The following LRP2 variants were observed in gnomAD, a reference collection of about 807,000 sequenced individuals.
LRP2 encodes the protein low-density lipoprotein receptor-related protein 2.
In LRP2, 172 loss-of-function variants were observed where a neutral mutation model predicts 531.0. The observed-to-expected ratio is 0.32, with a 90% confidence interval of 0.29 to 0.37. The LOEUF is 0.37. LRP2 is among the 10% of genes least tolerant of loss of function. The probability of loss-of-function intolerance (pLI) is 1.00; values close to 1 mark genes in which losing one functional copy is unlikely to be tolerated. For missense variants in LRP2, 5,167 were observed against 5,868.3 expected (o/e 0.88, Z 3.90); for synonymous variants, 1,992 against 2,027.6 (o/e 0.98, Z 0.47).
rs777407708 is a variant in LRP2, at chr2:169,150,987, C to T, written c.12501G>A (p.Glu4167=). The T allele has an allele frequency of 3.7e-6, 6 of 1,613,900 alleles. No homozygotes were observed. The Admixed American group carries it at 1.0e-4, about 27-fold the overall frequency. Residue 4167 remains glutamate (E), a synonymous_variant, in exon 68 of 79, where the codon GAG becomes GAA. Transcript: ENST00000649046. ...YWSDVKNKRI[E]VAKLDGRYRK... ...TGTACCTTCCATCAAGTTTAGCCACCTCAATGCGTTTATTCTTGACATCTG... is the reference window on the plus strand; with the variant it reads ...TGTACCTTCCATCAAGTTTAGCCACTTCAATGCGTTTATTCTTGACATCTG...
chr2:169,192,116 T>C (rs1406217074), intron 47 of LRP2, 83 bp from the exon 48 acceptor site: 1 of 1,033,364 alleles, frequency 9.7e-7, no homozygotes, highest in Non-Finnish European at 1.4e-6. Flanking sequence ...TTACTTACCA[T>C]TCTAAGTATG....
At chr2:169,235,438 C>T (rs1689571194) in intron 29 of LRP2, among the ~76,000 whole-genome samples, 1 of 152,002 alleles carries the variant, frequency 6.6e-6, no homozygotes, top group African/African-American at 2.4e-5. Context: ...GAGGTTTCAC[C>T]ATGTTGGCCA....
intron 7 of LRP2, 30 bp downstream of exon 7, chr2:169,292,223 T>A (rs778674133): frequency 1.2e-5 from 18 of 1,480,030 alleles, no homozygotes; most frequent in Non-Finnish European, 1.7e-5. Flanking sequence ...AAGAAAATGC[T>A]TTTCAGTAGG....
Position 169,154,666 on chromosome 2 carries a change from A to G in LRP2, c.12152-63T>C. 2.1e-6 allele frequency: 3 copies of G among 1,459,886 alleles called. No individual in the cohort carries two copies. The South Asian group carries it at 3.4e-5, about 17-fold the overall frequency. 90.4% of individuals were successfully genotyped at this position (1,459,886 alleles called of 1,614,324 possible). A position where few individuals can be genotyped will look rare whatever the true frequency, so the allele number is the denominator to read the frequency against. On this transcript the variant is annotated intron_variant, in intron 65 of 78. Transcript: ENST00000649046. ...TATACTTTCCTATATAAAGTAGGAT[A>G]TAAAATGCACAGTATGTACCTGTCC...
intron 31 of LRP2, among the ~76,000 whole-genome samples, chr2:169,229,505 C>A (rs1162836011): frequency 3.3e-5 from 5 of 152,088 alleles, no homozygotes; most frequent in South Asian, 2.1e-4. Flanking sequence ...CCCCTGAGAC[C>A]GAGTCAGAAG....
chr2:169,313,513 CTGCAGAACTGCAAATAT>C (rs1684674742), intron 3 of LRP2, among the ~76,000 whole-genome samples: 1 of 152,172 alleles, frequency 6.6e-6, no homozygotes, highest in African/African-American at 2.4e-5. Context: ...TCAGTGGAGT[CTGCAGAACTGCAAATAT>C]TGCAGAACAG....
intron 68 of LRP2, among the ~76,000 whole-genome samples, chr2:169,150,572 A>G (rs1686081846): frequency 6.6e-6 from 1 of 152,224 alleles, no homozygotes; most frequent in Non-Finnish European, 1.5e-5. Flanking sequence ...CATCCAAATG[A>G]AAGGAAAAAC....
chr2:169,295,475 T>C (rs945950668), intron 4 of LRP2, among the ~76,000 whole-genome samples: 1 of 152,230 alleles, frequency 6.6e-6, no homozygotes, highest in African/African-American at 2.4e-5. Context: ...AGGAAGTCCC[T>C]TACAGGAATA....
At chr2:169,320,196 G>T (rs943217046) in intron 2 of LRP2, among the ~76,000 whole-genome samples, 14 of 152,174 alleles carry the variant, frequency 9.2e-5, no homozygotes, top group Non-Finnish European at 1.9e-4. Flanking sequence ...AAAACTAAAT[G>T]ACAAAATGAA....
intron 56 of LRP2, 124 bp from the exon 57 acceptor site, chr2:169,173,348 C>A: frequency 8.8e-7 from 1 of 1,135,454 alleles, no homozygotes; most frequent in Non-Finnish European, 1.3e-6. Flanking sequence ...CCGCCTCTGG[C>A]GATATGTGTC....
chr2:169,259,257 T>C, intron 16 of LRP2, 40 bp from the exon 17 acceptor site: 1 of 1,517,530 alleles, frequency 6.6e-7, no homozygotes, highest in Non-Finnish European at 9.1e-7. Flanking sequence ...GCTAAGTATA[T>C]TTTGTAAGGC....
At chr2:169,233,290 T>A in intron 30 of LRP2, 121 bp downstream of exon 30, 1 of 1,116,680 alleles carries the variant, frequency 9.0e-7, no homozygotes. Context: ...GGGTGGTTTG[T>A]AAAGAGAAAA....
At chr2:169,175,540 T>C in intron 54 of LRP2, 151 bp from the exon 55 acceptor site, 1 of 712,886 alleles carries the variant, frequency 1.4e-6, no homozygotes, top group Non-Finnish European at 2.4e-6. Context: ...GTTACAATGG[T>C]GTATTTTCAG....
chr2:169,341,296 G>C (rs1321525097), intron 1 of LRP2, among the ~76,000 whole-genome samples: 1 of 151,998 alleles, frequency 6.6e-6, no homozygotes, highest in Non-Finnish European at 1.5e-5. Flanking sequence ...ACGTGAGGCA[G>C]ATTCTCTTTT....
intron 31 of LRP2, 48 bp from the exon 32 acceptor site, chr2:169,226,636 A>T: frequency 7.1e-7 from 1 of 1,411,486 alleles, no homozygotes; most frequent in Non-Finnish European, 1.0e-6. Context: ...CACTATTCCC[A>T]GACATTTAGA....
At chr2:169,170,829 C>T (rs1272788706) in intron 58 of LRP2, among the ~76,000 whole-genome samples, 162 bp from the exon 59 acceptor site, 2 of 151,950 alleles carry the variant, frequency 1.3e-5, no homozygotes, top group African/African-American at 4.8e-5. Flanking sequence ...CTAGACCTTT[C>T]ACCTTAATTT....
chr2:169,235,905 G>T lies in LRP2; in HGVS notation c.4855C>A (p.Leu1619Ile), dbSNP rs766931921. 25 of 1,614,178 alleles carry T rather than the reference G, an allele frequency of 1.5e-5. No homozygotes were observed. Among genetic ancestry groups the T allele is most frequent in the Non-Finnish European group, 3.4e-6 (4 of 1,180,014 alleles). The change falls in exon 29 of 79, where the codon CTT (leucine) becomes ATT (isoleucine). Residue 1619 changes from leucine (L) to isoleucine (I), a missense_variant. By Grantham distance (5) the Leu-to-Ile change is conservative. Coordinates refer to ENST00000649046, the MANE Select transcript of LRP2 (RefSeq NM_004525.3). ...TAATCACAAAAGTCCATGTAATCAA[G>T]ATAGGAGTCCATGAAGTAGAGCAGT... ...NRLLYFMDSY[L>I]DYMDFCDYNG...
chr2:169,188,285 A>G lies in LRP2; in HGVS notation c.9033-20T>C. ...TCACACCTGTATCATGAGATCCAGT[A>G]CCACTTTCAGAGAGGTTGGCAATAA... On this transcript the variant is annotated intron_variant, in intron 48 of 78. Coordinates refer to ENST00000649046, the MANE Select transcript of LRP2 (RefSeq NM_004525.3). 6.2e-7 allele frequency: 1 copy of G among 1,613,314 alleles called. No individual in the cohort carries two copies. The highest frequency in any genetic ancestry group is 2.2e-5 in the East Asian group (1 of 44,882).
At chr2:169,174,277 T>G (rs1421665227) in intron 55 of LRP2, 113 bp from the exon 56 acceptor site, 1 of 1,297,406 alleles carries the variant, frequency 7.7e-7, no homozygotes, top group East Asian at 2.4e-5. Context: ...AGAGGACTTA[T>G]TTCCTAATGT....
Sources: gnomAD v4.1 joint callset for allele counts (sites outside exome capture counted in the v4.1 genomes callset) on GRCh38, gnomAD v4.1.1 for gene constraint, MANE v1.5 for transcripts, NCBI Gene and HGNC (gene_info 2026-07-23, HGNC 2026-07-21) for gene names.